The following USH2A variants were observed in gnomAD, a reference collection of about 807,000 sequenced individuals.
USH2A encodes Usher syndrome 2A (autosomal recessive, mild).
A neutral mutation model predicts 538.9 loss-of-function variants in USH2A; 443 were observed. The ratio of observed to expected loss-of-function variants is 0.82; its 90% CI spans 0.76 to 0.89. USH2A has a LOEUF of 0.89. USH2A is among the 40% of genes least tolerant of loss of function. The pLI, the probability that USH2A is intolerant of heterozygous loss-of-function variation, is 0.00. For missense variants in USH2A, 6,633 were observed against 6,324.8 expected, an observed-to-expected ratio of 1.05 and a Z score of -1.65; for synonymous variants, 2,413 against 2,273.5, an observed-to-expected ratio of 1.06 and a Z score of -1.75.
chr1:216,193,322 T>C (rs961724917), intron 19 of USH2A, among the ~76,000 whole-genome samples: 2 of 152,130 alleles, frequency 1.3e-5, no homozygotes, highest in African/African-American at 4.8e-5. Context: ...GCCAGTTGTG[T>C]ATTCATCATG....
rs764359055 is a variant in USH2A at position 216,198,344 on chromosome 1, G to A, written c.4052C>T (p.Ala1351Val). The A allele has an allele frequency of 1.9e-6, 3 of 1,613,816 alleles. No individual in the cohort carries two copies. The highest frequency in any genetic ancestry group is 1.1e-5 in the South Asian group (1 of 91,080). ...AVNMAGSVSS[A>V]WVSERTGESA... The stretch of plus-strand genomic sequence containing the variant: ...TTCTCCCGTTCTTTCTGAGACCCAG[G>A]CAGAAGACACACTTCCAGCCATATT... Residue 1351 changes from alanine to valine, a missense_variant, in exon 18 of 72, where the codon GCC becomes GTC. Physicochemically the swap from Ala to Val is moderately conservative, Grantham distance 64 (BLOSUM62 0). Transcript: ENST00000307340.
At chr1:215,694,521 C>T (rs1007410172) in intron 61 of USH2A, among the ~76,000 whole-genome samples, 2 of 152,146 alleles carry the variant, frequency 1.3e-5, no homozygotes, top group African/African-American at 2.4e-5. Flanking sequence ...TACGGTTAGC[C>T]GAGATCACGC....
chr1:215,731,221 C>T (rs186414121), intron 60 of USH2A, among the ~76,000 whole-genome samples: 1 of 152,250 alleles, frequency 6.6e-6, no homozygotes, highest in East Asian at 1.9e-4. Flanking sequence ...ATGTTGGCCT[C>T]AAGTTTATTC....
chr1:216,016,547 C>T (rs1668715472), intron 32 of USH2A, among the ~76,000 whole-genome samples: 1 of 152,098 alleles, frequency 6.6e-6, no homozygotes, highest in African/African-American at 2.4e-5. Flanking sequence ...CATGAAACAT[C>T]TCCTGACTCT....
chr1:215,710,446 C>G (rs938242023), intron 61 of USH2A, among the ~76,000 whole-genome samples: 3 of 152,130 alleles, frequency 2.0e-5, no homozygotes, highest in Non-Finnish European at 4.4e-5. Flanking sequence ...CTAGTACAAG[C>G]AGGGGCAAAG....
chr1:216,258,575 A>C (rs903558544), intron 11 of USH2A, among the ~76,000 whole-genome samples: 4 of 151,986 alleles, frequency 2.6e-5, no homozygotes, highest in African/African-American at 4.8e-5. Flanking sequence ...ATATCTCTTC[A>C]ATTTGGAGAA....
At chr1:215,670,241 T>C (rs1057157598) in intron 64 of USH2A, among the ~76,000 whole-genome samples, 1 of 152,186 alleles carries the variant, frequency 6.6e-6, no homozygotes, top group Non-Finnish European at 1.5e-5. Flanking sequence ...GAGCGGCTCA[T>C]GTGCCCACCA....
chr1:216,011,760 T>C (rs1412355100), intron 32 of USH2A, among the ~76,000 whole-genome samples: 1 of 152,056 alleles, frequency 6.6e-6, no homozygotes, highest in Non-Finnish European at 1.5e-5. Flanking sequence ...ACCTGACGCA[T>C]ATACTTTCTG....
At chr1:215,886,623 C>A (rs997641151) in intron 41 of USH2A, 1 of 152,100 alleles carries the variant, frequency 6.6e-6, no homozygotes, top group African/African-American at 2.4e-5. Flanking sequence ...TTGGGGTTAC[C>A]AATGCCTTGT....
At chr1:215,972,035 C>T (rs1667505347) in intron 35 of USH2A, among the ~76,000 whole-genome samples, 1 of 152,098 alleles carries the variant, frequency 6.6e-6, no homozygotes, top group Non-Finnish European at 1.5e-5. Context: ...TGCCGAGTAG[C>T]TAAGAAGGTG....
chr1:215,724,236 CACACACACACACAA>C (rs61122031), intron 61 of USH2A, among the ~76,000 whole-genome samples: 4,344 of 145,236 alleles, frequency 0.03, 195 homozygotes, highest in African/African-American at 0.095. Context: ...CACACACACA[CACACACACACACAA>C]ACACACACAC....
rs142888983 is a variant in USH2A at position 216,056,359 on chromosome 1, G to A, written c.6050-7712C>T. Among the ~76,000 whole-genome samples the A allele has an allele frequency of 6.6e-5, 10 of 152,274 alleles. No individual in the cohort carries two copies. In the East Asian group the frequency reaches 1.9e-3, roughly 29 times the overall value. On this transcript the variant is annotated intron_variant, in intron 30 of 71. Transcript: ENST00000307340. ...ATGAAAGTCATCCCTTATGATCAGT[G>A]TCCAAGGTCCCCTGCTACAAGCCTC...
intron 15 of USH2A, among the ~76,000 whole-genome samples, chr1:216,209,978 G>C (rs1369113004): frequency 6.6e-6 from 1 of 152,088 alleles, no homozygotes; most frequent in African/African-American, 2.4e-5. Flanking sequence ...TTCTGTCTTA[G>C]AGCCGGCCAT....
At chr1:216,188,083 A>G (rs1020411124) in intron 20 of USH2A, among the ~76,000 whole-genome samples, 12 of 152,074 alleles carry the variant, frequency 7.9e-5, no homozygotes, top group African/African-American at 2.9e-4. Context: ...GGCTCTGACT[A>G]GTTAGTTTTA....
Position 215,680,196 on chromosome 1 carries a change from A to T in USH2A, c.12247T>A (p.Leu4083Met), listed in dbSNP as rs1658179887. 6.2e-7 allele frequency: 1 copy of T among 1,614,042 alleles called. No homozygotes were observed. Among genetic ancestry groups the T allele is most frequent in the Non-Finnish European group, 8.5e-7 (1 of 1,180,026 alleles). ...IVEQKENGRALLLQWSEPMRT... is the reference protein window; with the variant it reads ...IVEQKENGRAMLLQWSEPMRT... Reference sequence around the variant, plus strand: ...ATAGGTTCTGACCACTGTAGTAGCAATGCCCGGCCATTCTCTTTCTGTTCT... The same window carrying T: ...ATAGGTTCTGACCACTGTAGTAGCATTGCCCGGCCATTCTCTTTCTGTTCT... Residue 4083 changes from leucine (L) to methionine (M), a missense_variant, in exon 62 of 72, where the codon TTG becomes ATG. Physicochemically the swap from Leu to Met is conservative, Grantham distance 15. Coordinates refer to ENST00000307340, the MANE Select transcript of USH2A (RefSeq NM_206933.4).
At position 216,175,440 on chromosome 1, in the gene USH2A, C is replaced by T; in HGVS notation, c.4439G>A (p.Ser1480Asn). ...AAACCACCTAAGATGGATTGTTGTGCTGTTGATTCCTTTAACCAGAGGTGG... is the reference window on the plus strand; with the variant it reads ...AAACCACCTAAGATGGATTGTTGTGTTGTTGATTCCTTTAACCAGAGGTGG... ...LRPPLVKGIN[S>N]TTIHLRWFPP... is the part of the protein sequence containing the mutation. Residue 1480 changes from serine (S) to asparagine (N), a missense_variant, in exon 21 of 72, where the codon AGC becomes AAC. Coordinates refer to ENST00000307340, the MANE Select transcript of USH2A (RefSeq NM_206933.4). The T allele has an allele frequency of 6.2e-7, 1 of 1,613,786 alleles. No homozygotes were observed. Among genetic ancestry groups the T allele is most frequent in the South Asian group, 1.1e-5 (1 of 91,072 alleles).
chr1:215,786,893 G>A lies in USH2A; in HGVS notation c.10183-19C>T, dbSNP rs1390513966. The stretch of plus-strand genomic sequence containing the variant: ...TGGTTTCCTGAGTCAAGTGGCAGGG[G>A]TGAGAGAGAGAGGGGTATTTAAAAA... On this transcript the variant is annotated intron_variant, in intron 51 of 71. Coordinates refer to ENST00000307340, the MANE Select transcript of USH2A (RefSeq NM_206933.4). 3 of 1,612,466 alleles carry A rather than the reference G, an allele frequency of 1.9e-6. No homozygotes were observed. The highest frequency in any genetic ancestry group is 2.2e-5 in the East Asian group (1 of 44,860).
At chr1:216,413,506 C>T (rs890361084) in intron 3 of USH2A, among the ~76,000 whole-genome samples, 2 of 152,132 alleles carry the variant, frequency 1.3e-5, no homozygotes, top group Admixed American at 1.3e-4. Context: ...TTGTTTTCCT[C>T]CAGAACTATC....
rs113850020 is a variant in USH2A, at chr1:216,241,817, C to A, written c.2809+4768G>T. Among the ~76,000 whole-genome samples the A allele has an allele frequency of 8.2e-3, 1,248 of 152,252 alleles. 21 individuals are homozygous for A. Among genetic ancestry groups the A allele is most frequent in the African/African-American group, 0.029 (1,212 of 41,536 alleles). On this transcript the variant is annotated intron_variant, in intron 13 of 71. Transcript: ENST00000307340. ...TCAGTGCTGGGGTTACAGGCATGAG[C>A]CACCATGTGCGGCCATTAGGAGAAT...
Sources: gnomAD v4.1 joint callset for allele counts (sites outside exome capture counted in the v4.1 genomes callset) on GRCh38, gnomAD v4.1.1 for gene constraint, MANE v1.5 for transcripts, NCBI Gene and HGNC (gene_info 2026-07-23, HGNC 2026-07-21) for gene names.